Variants in COP1 observed in about 807,000 individuals in gnomAD.
COP1 encodes COP1 E3 ubiquitin ligase, also known as E3 ubiquitin-protein ligase COP1.
A neutral mutation model predicts 101.3 loss-of-function variants in COP1; 24 were observed. That is an observed-to-expected ratio of 0.24 (90% CI 0.17 to 0.33). COP1 has a LOEUF of 0.33. Among genes scored for constraint, COP1 ranks in the 10% least tolerant of loss-of-function variants. The probability of loss-of-function intolerance (pLI) is 1.00; values close to 1 mark genes in which losing one functional copy is unlikely to be tolerated. For missense variants in COP1, 663 were observed against 906.2 expected, an observed-to-expected ratio of 0.73 and a Z score of 3.45; for synonymous variants, 347 against 341.9, an observed-to-expected ratio of 1.01 and a Z score of -0.17.
chr1:176,198,598 T>G (rs1447659564), intron 1 of COP1, among the ~76,000 whole-genome samples: 1 of 152,054 alleles, frequency 6.6e-6, no homozygotes, highest in African/African-American at 2.4e-5. Flanking sequence ...AATTTGGACT[T>G]AAAACTGAAA....
At chr1:176,042,514 GATC>G (rs1467939590) in intron 14 of COP1, among the ~76,000 whole-genome samples, 2 of 134,560 alleles carry the variant, frequency 1.5e-5, no homozygotes, top group Non-Finnish European at 1.6e-5. Flanking sequence ...AGTGAGCCGA[GATC>G]ACCCCACTGC....
At chr1:175,989,531 A>G in intron 15 of COP1, 52 bp from the exon 16 acceptor site, 3 of 1,044,430 alleles carry the variant, frequency 2.9e-6, no homozygotes, top group Non-Finnish European at 4.5e-6. Flanking sequence ...ATGGAAAGCA[A>G]AGTTAATTTT....
At chr1:176,058,251 C>T (rs1674140975) in intron 11 of COP1, among the ~76,000 whole-genome samples, 1 of 152,080 alleles carries the variant, frequency 6.6e-6, no homozygotes, top group African/African-American at 2.4e-5. Flanking sequence ...CCGGCCACCA[C>T]CCCGTCTGGG....
chr1:176,135,360 A>C (rs1344987340), intron 7 of COP1, among the ~76,000 whole-genome samples: 2 of 152,096 alleles, frequency 1.3e-5, no homozygotes, highest in East Asian at 3.8e-4. Flanking sequence ...ACATGCAAAA[A>C]AAGATAAATG....
rs562612981 is a variant in COP1 at position 176,199,047 on chromosome 1, G to A, written c.407+7525C>T. Among the ~76,000 whole-genome samples, 5 of 152,254 alleles carry A rather than the reference G, an allele frequency of 3.3e-5. No homozygotes were observed. The East Asian group carries it at 9.6e-4, about 29-fold the overall frequency. ...AAATGCAAAATGGTGGCCGGGTGTG[G>A]TGGCTCACACCTGTAATCCCAGCAC... is the stretch of plus-strand genomic sequence containing the variant. On this transcript the variant is annotated intron_variant, in intron 1 of 19. Coordinates refer to ENST00000367669, the MANE Select transcript of COP1 (RefSeq NM_022457.7).
chr1:175,947,857 A>G (rs1649384670), intron 18 of COP1, among the ~76,000 whole-genome samples: 1 of 152,212 alleles, frequency 6.6e-6, no homozygotes, highest in Admixed American at 6.5e-5. Context: ...AAATAAAATG[A>G]AAAAAAGAGT....
intron 15 of COP1, among the ~76,000 whole-genome samples, chr1:176,015,212 G>T (rs1423499887): frequency 6.6e-6 from 1 of 152,160 alleles, no homozygotes; most frequent in South Asian, 2.1e-4. Flanking sequence ...GATCAAAGCA[G>T]GAACGCAGGA....
chr1:175,983,478 A>G (rs1431467281), intron 18 of COP1, among the ~76,000 whole-genome samples: 1 of 152,224 alleles, frequency 6.6e-6, no homozygotes, highest in Non-Finnish European at 1.5e-5. Context: ...CTGCGAGTCC[A>G]ATAAACCTCT....
intron 18 of COP1, among the ~76,000 whole-genome samples, chr1:175,956,794 G>A (rs61820933): frequency 0.066 from 10,030 of 152,122 alleles, 410 homozygotes; most frequent in Middle Eastern, 0.12. Flanking sequence ...AAAAGTTACT[G>A]TAAAATAGGC....
At chr1:176,171,078 T>A (rs1269437203) in intron 3 of COP1, among the ~76,000 whole-genome samples, 1 of 116,316 alleles carries the variant, frequency 8.6e-6, no homozygotes, top group Non-Finnish European at 1.6e-5. Flanking sequence ...GGAGCCGAGA[T>A]CACACCACTG....
At chr1:175,965,879 G>C (rs1279238598) in intron 18 of COP1, among the ~76,000 whole-genome samples, 1 of 152,012 alleles carries the variant, frequency 6.6e-6, no homozygotes, top group Admixed American at 6.5e-5. Context: ...ACCGCACCCA[G>C]CCACTTATCT....
At position 175,945,176 on chromosome 1, in the gene COP1, T is replaced by A; in HGVS notation, c.2179-6A>T. 1 of 1,568,750 alleles carries A rather than the reference T, an allele frequency of 6.4e-7. No homozygotes were observed. The highest frequency in any genetic ancestry group is 8.7e-7 in the Non-Finnish European group (1 of 1,148,146). On this transcript the variant is annotated splice_region_variant and splice_polypyrimidine_tract_variant and intron_variant, in intron 19 of 19. Coordinates refer to ENST00000367669, the MANE Select transcript of COP1 (RefSeq NM_022457.7). ...CTTCATACCAATTCTAGCACCTAAT[T>A]GGGGGGAAAAAAGGATCCATTTAAT... is the stretch of plus-strand genomic sequence containing the variant.
chr1:175,964,302 T>G (rs1309277252), intron 18 of COP1, among the ~76,000 whole-genome samples: 1 of 151,938 alleles, frequency 6.6e-6, no homozygotes, highest in African/African-American at 2.4e-5. Flanking sequence ...AAGCATAACC[T>G]TGCTAAATAA....
intron 7 of COP1, among the ~76,000 whole-genome samples, chr1:176,135,395 T>C (rs1452973163): frequency 1.3e-5 from 2 of 152,104 alleles, no homozygotes; most frequent in African/African-American, 2.4e-5. Flanking sequence ...TTAAATGACA[T>C]GTACATTATA....
At chr1:175,986,825 A>G in intron 18 of COP1, 118 bp downstream of exon 18, 1 of 723,366 alleles carries the variant, frequency 1.4e-6, no homozygotes, top group Non-Finnish European at 2.2e-6. Flanking sequence ...CACATTACAA[A>G]GTTTTTTAAA....
At chr1:176,172,384 AT>A (rs1315434223) in intron 3 of COP1, among the ~76,000 whole-genome samples, 1 of 152,212 alleles carries the variant, frequency 6.6e-6, no homozygotes, top group African/African-American at 2.4e-5. Context: ...TGACGAAAAA[AT>A]TTTAATGCAA....
chr1:176,031,599 A>G (rs1277081084), intron 14 of COP1, among the ~76,000 whole-genome samples: 2 of 152,218 alleles, frequency 1.3e-5, no homozygotes, highest in South Asian at 4.1e-4. Context: ...ATTTATTTAC[A>G]TATGGCCTCC....
chr1:176,014,977 T>C (rs1331668521), intron 15 of COP1, among the ~76,000 whole-genome samples: 3 of 152,128 alleles, frequency 2.0e-5, no homozygotes, highest in Non-Finnish European at 2.9e-5. Context: ...AAATAAAATA[T>C]AGATCAAGTG....
At chr1:176,034,548 C>T (rs1669164500) in intron 14 of COP1, among the ~76,000 whole-genome samples, 1 of 152,152 alleles carries the variant, frequency 6.6e-6, no homozygotes, top group African/African-American at 2.4e-5. Flanking sequence ...GCACTAAAGT[C>T]TCCTAAAATG....
Sources: gnomAD v4.1 joint callset for allele counts (sites outside exome capture counted in the v4.1 genomes callset) on GRCh38, gnomAD v4.1.1 for gene constraint, MANE v1.5 for transcripts, NCBI Gene and HGNC (gene_info 2026-07-23, HGNC 2026-07-21) for gene names.